The following RBM20 variants were observed in gnomAD, a reference collection of about 807,000 sequenced individuals.
The protein encoded by RBM20 is RNA binding motif protein 20.
A neutral mutation model predicts 110.1 loss-of-function variants in RBM20; 51 were observed. That is an observed-to-expected ratio of 0.46 (90% CI 0.37 to 0.59). The LOEUF is 0.59. RBM20 is among the 20% of genes least tolerant of loss of function. The pLI is 0.00. For missense variants in RBM20, 1,512 were observed against 1,574.9 expected, an observed-to-expected ratio of 0.96 and a Z score of 0.68; for synonymous variants, 589 against 618.2, an observed-to-expected ratio of 0.95 and a Z score of 0.70.
chr10:110,721,725 G>T (rs1429329562), intron 1 of RBM20, among the ~76,000 whole-genome samples: 2 of 152,068 alleles, frequency 1.3e-5, no homozygotes, highest in Admixed American at 6.5e-5. Flanking sequence ...AATGTAGCTG[G>T]GTACTTGGAT....
At chr10:110,772,846 G>A (rs909049061) in intron 1 of RBM20, among the ~76,000 whole-genome samples, 13 of 152,272 alleles carry the variant, frequency 8.5e-5, no homozygotes, top group Middle Eastern at 3.4e-3. Context: ...TGCACATCAC[G>A]TTTGATCTTT....
chr10:110,745,750 G>T (rs566463986), intron 1 of RBM20, among the ~76,000 whole-genome samples: 1 of 152,126 alleles, frequency 6.6e-6, no homozygotes, highest in Non-Finnish European at 1.5e-5. Context: ...GAATGAATGC[G>T]TGATAACATG....
At chr10:110,719,327 C>T (rs886665277) in intron 1 of RBM20, among the ~76,000 whole-genome samples, 1 of 152,218 alleles carries the variant, frequency 6.6e-6, no homozygotes, top group Non-Finnish European at 1.5e-5. Flanking sequence ...GCAGAGTGGG[C>T]ACCCTTCACA....
chr10:110,711,778 C>T (rs548719359), intron 1 of RBM20, among the ~76,000 whole-genome samples: 1 of 152,324 alleles, frequency 6.6e-6, no homozygotes, highest in South Asian at 2.1e-4. Flanking sequence ...GTATCATCTG[C>T]GTACAATGCT....
intron 6 of RBM20, among the ~76,000 whole-genome samples, chr10:110,798,707 A>G (rs570197833): frequency 6.6e-6 from 1 of 152,344 alleles, no homozygotes; most frequent in East Asian, 1.9e-4. Flanking sequence ...ATTCAGAAAT[A>G]AATATGAGAG....
At chr10:110,737,642 G>A (rs964813267) in intron 1 of RBM20, among the ~76,000 whole-genome samples, 5 of 148,712 alleles carry the variant, frequency 3.4e-5, no homozygotes, top group Non-Finnish European at 5.9e-5. Flanking sequence ...TGAGTTTAAC[G>A]TAATTGGAAT....
intron 1 of RBM20, among the ~76,000 whole-genome samples, chr10:110,722,396 G>A (rs1843519017): frequency 6.6e-6 from 1 of 151,362 alleles, no homozygotes; most frequent in South Asian, 2.1e-4. Context: ...AGTTATTACA[G>A]TTGATGAACC....
intron 1 of RBM20, among the ~76,000 whole-genome samples, chr10:110,778,481 C>T (rs747463979): frequency 6.6e-6 from 1 of 152,190 alleles, no homozygotes; most frequent in Non-Finnish European, 1.5e-5. Context: ...TAGCTCCCAG[C>T]CTCTCTCGTT....
chr10:110,752,324 A>C (rs1843864146), intron 1 of RBM20, among the ~76,000 whole-genome samples: 1 of 152,066 alleles, frequency 6.6e-6, no homozygotes, highest in African/African-American at 2.4e-5. Flanking sequence ...GGCCTCTTTC[A>C]CCTAGTAATG....
rs756078257 is a variant in RBM20 at position 110,812,813 on chromosome 10, G to A, written c.2416G>A (p.Gly806Arg). 31 of 1,549,904 alleles carry A rather than the reference G, an allele frequency of 2.0e-5. No homozygotes were observed. The highest frequency in any genetic ancestry group is 2.7e-5 in the Non-Finnish European group (31 of 1,145,934). Reference sequence around the variant, plus strand: ...TCCGGATGACTCAGGCAAGGAAGATGGGCTGGGGCCAAAGGTCACTAGGGC... The same window carrying A: ...TCCGGATGACTCAGGCAAGGAAGATAGGCTGGGGCCAAAGGTCACTAGGGC... Reference protein sequence around the residue: ...PHPDDSGKEDGLGPKVTRAPE... With the variant: ...PHPDDSGKEDRLGPKVTRAPE... Residue 806 changes from glycine to arginine, a missense_variant, in exon 9 of 14, where the codon GGG becomes AGG. Physicochemically the swap from Gly to Arg is moderately radical, Grantham distance 125. This residue lies in a region of RBM20 where 1,149 missense variants were observed against 1,169.4 expected (regional missense o/e 0.98). Coordinates refer to ENST00000369519, the MANE Select transcript of RBM20 (RefSeq NM_001134363.3).
intron 1 of RBM20, among the ~76,000 whole-genome samples, chr10:110,694,610 G>C (rs1862634173): frequency 1.3e-5 from 2 of 152,160 alleles, no homozygotes; most frequent in Non-Finnish European, 2.9e-5. Context: ...ACAGGAAAAG[G>C]CAAGTAGAGA....
intron 1 of RBM20, among the ~76,000 whole-genome samples, chr10:110,735,720 T>C (rs929985971): frequency 3.9e-5 from 6 of 152,212 alleles, no homozygotes; most frequent in Non-Finnish European, 8.8e-5. Flanking sequence ...GCATGTCTGT[T>C]TGCCCCATCT....
intron 1 of RBM20, among the ~76,000 whole-genome samples, chr10:110,650,949 G>A (rs753538212): frequency 1.3e-4 from 20 of 152,146 alleles, no homozygotes; most frequent in Non-Finnish European, 2.8e-4. Context: ...ATATTTTCAG[G>A]TGTAAAATGA....
At chr10:110,798,148 T>G (rs555143698) in intron 6 of RBM20, among the ~76,000 whole-genome samples, 22 of 152,272 alleles carry the variant, frequency 1.4e-4, no homozygotes, top group African/African-American at 5.3e-4. Flanking sequence ...GATGGATGCT[T>G]ACTAAGTCTA....
intron 1 of RBM20, among the ~76,000 whole-genome samples, chr10:110,678,346 A>T (rs73355029): frequency 1.3e-5 from 2 of 152,318 alleles, no homozygotes; most frequent in East Asian, 1.9e-4. Flanking sequence ...CACTAAATGG[A>T]ATTCTGTTTC....
chr10:110,647,961 C>T (rs182561017), intron 1 of RBM20, among the ~76,000 whole-genome samples: 3 of 152,186 alleles, frequency 2.0e-5, no homozygotes, highest in African/African-American at 7.2e-5. Flanking sequence ...AAACCAAACA[C>T]GTGCACCCCT....
intron 1 of RBM20, among the ~76,000 whole-genome samples, chr10:110,746,269 T>G (rs1490885480): frequency 6.6e-6 from 1 of 152,212 alleles, no homozygotes; most frequent in Non-Finnish European, 1.5e-5. Flanking sequence ...TCTCTTCCTG[T>G]GCATTCTGCT....
intron 1 of RBM20, among the ~76,000 whole-genome samples, chr10:110,763,751 C>CTTTTTTTTTTTT (rs56845100): frequency 1.6e-5 from 1 of 64,384 alleles, no homozygotes; most frequent in Non-Finnish European, 2.9e-5. Context: ...GGCTTCTTGG[C>CTTTTTTTTTTTT]TTTTTTTTTT....
chr10:110,823,369 C>G, intron 11 of RBM20, 111 bp from the exon 12 acceptor site: 10 of 1,349,140 alleles, frequency 7.4e-6, no homozygotes, highest in Non-Finnish European at 9.9e-6. Context: ...GTCCAAGGAA[C>G]AATTCCCAAT....
Sources: allele counts gnomAD v4.1 joint callset (sites outside exome capture counted in the v4.1 genomes callset), GRCh38; gene constraint gnomAD v4.1.1; regional missense constraint gnomAD v4.1.1; transcripts MANE v1.5; gene names NCBI Gene and HGNC (gene_info 2026-07-23, HGNC 2026-07-21).